The following IFT43 variants were observed in gnomAD, a reference collection of about 807,000 sequenced individuals.
The protein encoded by IFT43 is intraflagellar transport 43, also known as intraflagellar transport protein 43 homolog.
IFT43 carries 33 observed loss-of-function variants against 32.3 expected under a neutral mutation model. That is an observed-to-expected ratio of 1.02 (90% CI 0.77 to 1.37). IFT43 has a LOEUF of 1.37. IFT43 is among the 40% of genes most tolerant of loss of function. IFT43 has a pLI of 0.00. For missense variants in IFT43, 274 were observed against 265.9 expected (o/e 1.03, Z -0.21); for synonymous variants, 93 against 98.2 (o/e 0.95, Z 0.31).
chr14:76,018,881 A>G (rs2036238748), intron 2 of IFT43, among the ~76,000 whole-genome samples: 1 of 151,978 alleles, frequency 6.6e-6, no homozygotes, highest in Admixed American at 6.6e-5. Flanking sequence ...ATTTTTTTCC[A>G]TCCCTTCACT....
chr14:76,062,292 G>A (rs1001137876), intron 5 of IFT43, among the ~76,000 whole-genome samples: 62 of 151,824 alleles, frequency 4.1e-4, no homozygotes, highest in Admixed American at 1.4e-3. Context: ...GGATGGTCTC[G>A]ATCTCCTGAC....
intron 3 of IFT43, among the ~76,000 whole-genome samples, chr14:76,033,457 A>G (rs1471212829): frequency 2.0e-5 from 3 of 152,120 alleles, no homozygotes. Context: ...AGGCTGGGTA[A>G]GTTATTGAGG....
At chr14:75,989,265 C>A (rs755603182) in intron 2 of IFT43, among the ~76,000 whole-genome samples, 2 of 151,628 alleles carry the variant, frequency 1.3e-5, no homozygotes, top group Non-Finnish European at 2.9e-5. Context: ...CAGTAGGATT[C>A]CAGGTTTTTA....
At chr14:76,021,118 T>C (rs1391320677) in intron 2 of IFT43, among the ~76,000 whole-genome samples, 1 of 151,782 alleles carries the variant, frequency 6.6e-6, no homozygotes, top group Non-Finnish European at 1.5e-5. Flanking sequence ...CCCTGGGTCA[T>C]GTGTGTGCTG....
chr14:76,049,540 T>A (rs1172072015), intron 3 of IFT43, among the ~76,000 whole-genome samples: 2 of 151,908 alleles, frequency 1.3e-5, no homozygotes, highest in Non-Finnish European at 2.9e-5. Flanking sequence ...TTAAAAAAAA[T>A]GTATTAAAAC....
chr14:76,055,208 C>T (rs944542630), intron 3 of IFT43, among the ~76,000 whole-genome samples: 6 of 151,726 alleles, frequency 4.0e-5, no homozygotes, highest in African/African-American at 1.5e-4. Context: ...TAGCCAGGCA[C>T]GGTGGCACGC....
intron 5 of IFT43, among the ~76,000 whole-genome samples, chr14:76,062,425 G>A (rs1002615432): frequency 2.0e-5 from 3 of 152,074 alleles, no homozygotes; most frequent in Non-Finnish European, 4.4e-5. Flanking sequence ...TGGACATTGT[G>A]AATATCATTA....
intron 5 of IFT43, among the ~76,000 whole-genome samples, chr14:76,062,075 C>CT (rs879681313): frequency 2.3e-4 from 34 of 146,208 alleles, no homozygotes; most frequent in Non-Finnish European, 4.4e-4. Flanking sequence ...TTTTCCGCTT[C>CT]TTTTTTTTTT....
chr14:76,040,149 C>A (rs2036680387), intron 3 of IFT43, among the ~76,000 whole-genome samples: 1 of 152,046 alleles, frequency 6.6e-6, no homozygotes, highest in African/African-American at 2.4e-5. Flanking sequence ...GAGACAGGGT[C>A]TCACTATGTT....
chr14:76,071,526 C>T (rs1311642746), intron 5 of IFT43, among the ~76,000 whole-genome samples: 1 of 152,150 alleles, frequency 6.6e-6, no homozygotes, highest in Non-Finnish European at 1.5e-5. Context: ...GGTGTAAATA[C>T]TCCCACCATG....
chr14:76,042,107 GACAC>G (rs3086751), intron 3 of IFT43, among the ~76,000 whole-genome samples: 1 of 149,832 alleles, frequency 6.7e-6, no homozygotes, highest in Non-Finnish European at 1.5e-5. Flanking sequence ...TATGGACGAG[GACAC>G]ACACACACAC....
chr14:76,051,334 A>G (rs1485022925), intron 3 of IFT43, among the ~76,000 whole-genome samples: 3 of 151,290 alleles, frequency 2.0e-5, no homozygotes, highest in Admixed American at 6.6e-5. Context: ...TTGGACAAGG[A>G]AAACTTCAGT....
intron 5 of IFT43, among the ~76,000 whole-genome samples, chr14:76,073,132 T>G (rs1156782942): frequency 1.3e-5 from 2 of 152,220 alleles, no homozygotes; most frequent in East Asian, 3.8e-4. Context: ...CACCATGTTC[T>G]CTGCAATGGA....
At chr14:76,053,517 A>G (rs937848311) in intron 3 of IFT43, among the ~76,000 whole-genome samples, 2 of 152,218 alleles carry the variant, frequency 1.3e-5, no homozygotes, top group Admixed American at 6.5e-5. Flanking sequence ...TGAGAAGCCA[A>G]GCTTCTGAGT....
Position 76,004,336 on chromosome 14 carries a change from G to GT in IFT43, c.147+15369dup, listed in dbSNP as rs370336182. ...ATTGATATGGAATTCCAGATTGAGA[G>GT]TTTTTTTTTTCTTTCAGCACTTTAA... On this transcript the variant is annotated intron_variant, in intron 2 of 8. Transcript: ENST00000314067. 6.4e-3 allele frequency among the ~76,000 whole-genome samples: 958 copies of GT among 149,788 alleles called. 9 individuals carry two copies. The highest frequency in any genetic ancestry group is 0.021 in the African/African-American group (869 of 40,874).
intron 5 of IFT43, among the ~76,000 whole-genome samples, chr14:76,070,228 C>T (rs538525345): frequency 1.3e-5 from 2 of 152,178 alleles, no homozygotes; most frequent in East Asian, 3.9e-4. Context: ...GACTGTCGTC[C>T]CCCTGTCTCT....
intron 5 of IFT43, among the ~76,000 whole-genome samples, chr14:76,071,273 A>G (rs2037316096): frequency 6.6e-6 from 1 of 152,230 alleles, no homozygotes; most frequent in Non-Finnish European, 1.5e-5. Flanking sequence ...CTTGTAGGAA[A>G]TAATATTGGT....
intron 1 of IFT43, chr14:75,986,189 G>C (rs2035523433): frequency 7.6e-7 from 1 of 1,318,716 alleles, no homozygotes; most frequent in African/African-American, 1.5e-5. Context: ...CCCCGGCCGG[G>C]GTCGCACTCG....
chr14:76,004,237 A>T (rs2035941352), intron 2 of IFT43, among the ~76,000 whole-genome samples: 1 of 152,230 alleles, frequency 6.6e-6, no homozygotes, highest in African/African-American at 2.4e-5. Flanking sequence ...ATTTGCCAAG[A>T]ACAACTTCTC....
Sources: allele counts gnomAD v4.1 joint callset (sites outside exome capture counted in the v4.1 genomes callset), GRCh38; gene constraint gnomAD v4.1.1; transcripts MANE v1.5; gene names NCBI Gene and HGNC (gene_info 2026-07-23, HGNC 2026-07-21).